Variants in IGSF10 observed in about 807,000 individuals in gnomAD.
IGSF10 encodes the protein immunoglobulin superfamily member 10.
IGSF10 carries 126 observed loss-of-function variants against 128.2 expected under a neutral mutation model. The ratio of observed to expected loss-of-function variants is 0.98; its 90% CI spans 0.85 to 1.14. The LOEUF (loss-of-function observed/expected upper bound fraction) is 1.14, where lower values mean the gene tolerates loss of function less well. Among genes scored for constraint, IGSF10 ranks in the 50% most tolerant of loss-of-function variants. IGSF10 has a pLI of 0.00. For synonymous variants in IGSF10, 1,185 were observed against 1,146.2 expected, an observed-to-expected ratio of 1.03 and a Z score of -0.68; for missense variants, 3,295 against 3,149.8, an observed-to-expected ratio of 1.05 and a Z score of -1.10.
In IGSF10 at chr3:151,457,587, C is replaced by T. The variant is rs535884094; in HGVS notation, c.195-432G>A. 9.9e-5 allele frequency among the ~76,000 whole-genome samples: 15 copies of T among 152,244 alleles called. No individual in the cohort carries two copies. In the South Asian group the frequency reaches 1.0e-3, roughly 11 times the overall value. On this transcript the variant is annotated intron_variant, in intron 3 of 7. Coordinates refer to ENST00000282466, the MANE Select transcript of IGSF10 (RefSeq NM_178822.5). ...CTCTGGAGGCCAGGCTTGGGCGTCT[C>T]GTTTGGGTATGATTACGAGCTCAGG...
chr3:151,551,662 TACAC>T, the IGSF10 span, among the ~76,000 whole-genome samples: 12,897 of 145,152 alleles, frequency 0.089, 689 homozygotes, highest in African/African-American at 0.14. Context: ...ACATGGGCAT[TACAC>T]ACACACACAC....
Position 151,443,239 on chromosome 3 carries a change from T to C in IGSF10, c.5708A>G (p.Tyr1903Cys), listed in dbSNP as rs1720963987. 1 of 1,612,268 alleles carries C rather than the reference T, an allele frequency of 6.2e-7. No individual in the cohort carries two copies. Among genetic ancestry groups the C allele is most frequent in the Admixed American group, 1.7e-5 (1 of 59,700 alleles). The change falls in exon 7 of 8, where the codon TAT becomes TGT. Residue 1903 changes from tyrosine to cysteine, a missense_variant. Physicochemically the swap from Tyr to Cys is radical, Grantham distance 194. Transcript: ENST00000282466. ...KLFLFSNGTL[Y>C]IRNLASSDRG... ...GTCTGAAGAGGCTAGGTTTCTTATA[T>C]ACAAAGTCCCATTTGAAAATAAGAA...
At chr3:151,554,132 TCACACACACACACACA>T in the IGSF10 span, among the ~76,000 whole-genome samples, 9 of 147,438 alleles carry the variant, frequency 6.1e-5, no homozygotes, top group Admixed American at 4.8e-4. Flanking sequence ...CAGAGTGAGA[TCACACACACACACACA>T]CACACACACA....
At chr3:151,502,275 G>A in the IGSF10 span, among the ~76,000 whole-genome samples, 124,362 of 151,916 alleles carry the variant, frequency 0.82, 50,986 homozygotes, top group Middle Eastern at 0.93. Context: ...TCAACAACAA[G>A]TTCAGGAAAA....
intron 7 of IGSF10, among the ~76,000 whole-genome samples, chr3:151,441,275 T>G (rs985021118): frequency 2.0e-5 from 3 of 152,200 alleles, no homozygotes; most frequent in Admixed American, 1.3e-4. Flanking sequence ...AATTTACTTT[T>G]GAAAATAGAA....
At chr3:151,576,299 C>T in the IGSF10 span, among the ~76,000 whole-genome samples, 1 of 151,866 alleles carries the variant, frequency 6.6e-6, no homozygotes, top group Non-Finnish European at 1.5e-5. Flanking sequence ...GGTCTTTTGG[C>T]CTAAATTATG....
rs1721637100 is a variant in IGSF10 at position 151,453,732 on chromosome 3, C to A, written c.367G>T (p.Asp123Tyr). ...SYNKVRKLQK[D>Y]TFYGLRSLTR... ...AAGCTCCTGAGGCCATAAAAAGTAT[C>A]TTTCTGAAGTTTTCGGACTTTATTA... Residue 123 changes from aspartate to tyrosine, a missense_variant, in exon 5 of 8, where the codon GAT becomes TAT. By Grantham distance (160) the Asp-to-Tyr change is radical (BLOSUM62 -3). Transcript: ENST00000282466. 1 of 1,590,454 alleles carries A rather than the reference C, an allele frequency of 6.3e-7. No homozygotes were observed. The highest frequency in any genetic ancestry group is 8.6e-7 in the Non-Finnish European group (1 of 1,167,422).
chr3:151,530,317 C>T, the IGSF10 span, among the ~76,000 whole-genome samples: 1 of 152,024 alleles, frequency 6.6e-6, no homozygotes, highest in East Asian at 1.9e-4. Flanking sequence ...GAGAACTTCC[C>T]CAACCTAGCA....
chr3:151,457,124 C>A lies in IGSF10; in HGVS notation c.226G>T (p.Asp76Tyr), dbSNP rs757794590. Residue 76 changes from aspartate to tyrosine, a missense_variant, in exon 4 of 8, where the codon GAT (aspartate) becomes TAT (tyrosine). Transcript: ENST00000282466. ...TCCAGTTTGGTCAGGCCAGAAAAAT[C>A]TGTTTCCATCAATCTAACCAAGCTG... ...YNSLVRLMET[D>Y]FSGLTKLELL... is the part of the protein sequence containing the mutation. 29 of 1,613,964 alleles carry A rather than the reference C, an allele frequency of 1.8e-5. No individual in the cohort carries two copies. The highest frequency in any genetic ancestry group is 2.3e-5 in the Non-Finnish European group (27 of 1,179,928).
chr3:151,515,361 C>T, the IGSF10 span, among the ~76,000 whole-genome samples: 489 of 150,422 alleles, frequency 3.3e-3, 2 homozygotes, highest in Non-Finnish European at 4.9e-3. Flanking sequence ...AGCAAACTAT[C>T]GCAAGGACAG....
chr3:151,487,195 A>G, the IGSF10 span, among the ~76,000 whole-genome samples: 12 of 152,348 alleles, frequency 7.9e-5, no homozygotes, highest in South Asian at 8.3e-4. Context: ...ACACAATACT[A>G]TAAACACCTC....
In IGSF10 at chr3:151,448,073, G is replaced by T; in HGVS notation, c.1908C>A (p.Thr636=). ...AGCGATAATAACCTTGGTCTTTCGG[G>T]GTGACCTGTAATATTCTTAATGTGC... ...NNGTLRILQV[T]PKDQGYYRCV... Residue 636 remains threonine, a synonymous_variant, in exon 6 of 8, where the codon ACC becomes ACA. Transcript: ENST00000282466. 2 of 1,614,106 alleles carry T rather than the reference G, an allele frequency of 1.2e-6. No homozygotes were observed. Among genetic ancestry groups the T allele is most frequent in the Non-Finnish European group, 1.7e-6 (2 of 1,180,030 alleles).
Position 151,437,521 on chromosome 3 carries a change from AT to A in IGSF10, c.7039del (p.Ile2347Ter), listed in dbSNP as rs1175473932. 1.2e-6 allele frequency: 2 copies of A among 1,613,966 alleles called. No homozygotes were observed. Among genetic ancestry groups the A allele is most frequent in the Non-Finnish European group, 1.7e-6 (2 of 1,180,032 alleles). ...TGTGGACTTTCCCAGCTGGGCAACT[AT>A]TTTTTCATTAAATGGATTTCTAAAT... ...PTFRNPFNEK[I>X]VAQLGKSTAL... On this transcript the variant is annotated frameshift_variant, in exon 8 of 8. Coordinates refer to ENST00000282466, the MANE Select transcript of IGSF10 (RefSeq NM_178822.5). LOFTEE classifies it low-confidence loss of function (END_TRUNC).
At chr3:151,592,056 G>C in the IGSF10 span, among the ~76,000 whole-genome samples, 28 of 152,096 alleles carry the variant, frequency 1.8e-4, no homozygotes, top group African/African-American at 6.5e-4. Flanking sequence ...TAGTAACAAA[G>C]TATAGTGGTT....
chr3:151,438,080 G>C lies in IGSF10; in HGVS notation c.6481C>G (p.Leu2161Val). 6.2e-7 allele frequency: 1 copy of C among 1,614,208 alleles called. No individual in the cohort carries two copies. The highest frequency in any genetic ancestry group is 1.7e-5 in the Admixed American group (1 of 60,022). ...KRIKAGDTAV[L>V]DCEVTGDPKP... Reference sequence around the variant, plus strand: ...GGATCCCCAGTGACCTCACAGTCAAGGACAGCTGTGTCTCCAGCTTTGATT... The same window carrying C: ...GGATCCCCAGTGACCTCACAGTCAACGACAGCTGTGTCTCCAGCTTTGATT... The change falls in exon 8 of 8, where the codon CTT (leucine) becomes GTT (valine). Residue 2161 changes from leucine (L) to valine (V), a missense_variant. Physicochemically the swap from Leu to Val is conservative, Grantham distance 32. Transcript: ENST00000282466.
the IGSF10 span, among the ~76,000 whole-genome samples, chr3:151,589,681 A>T: frequency 5.1e-4 from 78 of 152,312 alleles, no homozygotes; most frequent in East Asian, 0.014. Flanking sequence ...ATGTCATGCC[A>T]ACTAGAAAAA....
At chr3:151,462,243 G>T (rs1722089115), upstream of IGSF10, among the ~76,000 whole-genome samples, 1 of 152,004 alleles carries the variant, frequency 6.6e-6, no homozygotes, top group African/African-American at 2.4e-5. Context: ...AATGTTTTAG[G>T]GCAGTGGATC....
In IGSF10 at chr3:151,437,567, C is replaced by T. The variant is rs1184790439; in HGVS notation, c.6994G>A (p.Glu2332Lys). ...SVLVVQLEVL[E>K]MLRRPTFRNP... ...CTAAATGTCGGTCTTCTCAGCATTT[C>T]CAGTACTTCTAACTGTACTACCAAC... The change falls in exon 8 of 8, where the codon GAA (glutamate) becomes AAA (lysine). Residue 2332 changes from glutamate to lysine, a missense_variant. Glu to Lys is a moderately conservative substitution (Grantham distance 56, BLOSUM62 1). Coordinates refer to ENST00000282466, the MANE Select transcript of IGSF10 (RefSeq NM_178822.5). 6.2e-7 allele frequency: 1 copy of T among 1,614,078 alleles called. No homozygotes were observed.
chr3:151,486,728 GAAGAC>G, the IGSF10 span, among the ~76,000 whole-genome samples: 1 of 152,066 alleles, frequency 6.6e-6, no homozygotes, highest in African/African-American at 2.4e-5. Flanking sequence ...AATAAAGCAA[GAAGAC>G]AAGATTAGAA....
Sources: gnomAD v4.1 joint callset for allele counts (sites outside exome capture counted in the v4.1 genomes callset) on GRCh38, gnomAD v4.1.1 for gene constraint, MANE v1.5 for transcripts, NCBI Gene and HGNC (gene_info 2026-07-23, HGNC 2026-07-21) for gene names.